The following CBR4 variants were observed in gnomAD, a reference collection of about 807,000 sequenced individuals.
CBR4 encodes carbonyl reductase 4, also known as 3-oxoacyl-[acyl-carrier-protein] reductase.
Under a neutral mutation model 21.0 loss-of-function variants are expected in CBR4, and 22 were observed. The ratio of observed to expected loss-of-function variants is 1.05; its 90% confidence interval spans 0.75 to 1.50. The LOEUF (loss-of-function observed/expected upper bound fraction) is 1.50. Among genes scored for constraint, CBR4 ranks in the 40% most tolerant of loss-of-function variants. CBR4 has a pLI of 0.00. For missense variants in CBR4, 302 were observed against 286.3 expected, an observed-to-expected ratio of 1.05 and a Z score of -0.40; for synonymous variants, 100 against 104.4, an observed-to-expected ratio of 0.96 and a Z score of 0.26.
At chr4:169,001,436 C>T (rs1329903664) in intron 4 of CBR4, 3 of 152,150 alleles carry the variant, frequency 2.0e-5, no homozygotes, top group African/African-American at 4.8e-5. Context: ...AGACCCTCTC[C>T]ACCTTAAGTT....
intron 1 of CBR4, among the ~76,000 whole-genome samples, chr4:169,008,095 C>T (rs913392402): frequency 2.0e-5 from 3 of 152,210 alleles, no homozygotes; most frequent in Non-Finnish European, 4.4e-5. Context: ...ATTCGACAGT[C>T]TTCTGGGTTT....
intron 4 of CBR4, among the ~76,000 whole-genome samples, chr4:168,998,721 G>A (rs1385608790): frequency 6.6e-6 from 1 of 152,128 alleles, no homozygotes; most frequent in Admixed American, 6.5e-5. Flanking sequence ...ATTTAAAAAA[G>A]TGAAGCAGCT....
chr4:168,988,383 ACTG>A lies in CBR4; in HGVS notation c.*1764_*1766del, dbSNP rs1164521994. The A allele has an allele frequency of 1.0e-6, 1 of 985,336 alleles. No individual in the cohort carries two copies. The highest frequency in any genetic ancestry group is 1.1e-4 in the East Asian group (1 of 8,834). The allele number at this position is 985,336 out of a possible 1,614,324, so 61.0% of individuals were successfully genotyped here. A position where few individuals can be genotyped will look rare whatever the true frequency, so the allele number is the denominator to read the frequency against. ...CTACATCTTAATGTCAGCAAAACAT[ACTG>A]CTTTCTACCCAAATCACCAATTGAA... On this transcript the variant is annotated 3_prime_UTR_variant, in exon 5 of 5. Coordinates refer to ENST00000306193, the MANE Select transcript of CBR4 (RefSeq NM_032783.5).
At chr4:168,897,362 T>A (rs1204711349) in intron 2 of CBR4, among the ~76,000 whole-genome samples, 2 of 152,234 alleles carry the variant, frequency 1.3e-5, no homozygotes, top group Admixed American at 6.5e-5. Flanking sequence ...AAACACTGAG[T>A]AACTTCTTTA....
At position 168,938,503 on chromosome 4, in the gene CBR4, C is replaced by CA. The variant is rs538209703; in HGVS notation, n.170-43739dup. On this transcript the variant is annotated intron_variant and non_coding_transcript_variant, in intron 2 of 3. Transcript: ENST00000509108. ...GGAGATAGAGACACGAAAAATCCTT[C>CA]AAAAAATCAATGAATCCAGAAGCTG... Among the ~76,000 whole-genome samples the CA allele has an allele frequency of 9.4e-4, 143 of 152,068 alleles. 5 individuals carry two copies. The South Asian group carries it at 0.028, about 30-fold the overall frequency.
rs1180241949 is a variant in CBR4 at position 168,989,875 on chromosome 4, G to C, written c.*275C>G. 4 of 1,074,078 alleles carry C rather than the reference G, an allele frequency of 3.7e-6. No homozygotes were observed. The highest frequency in any genetic ancestry group is 4.5e-6 in the Non-Finnish European group (4 of 884,556). The allele number at this position is 1,074,078 out of a possible 1,614,324, so 66.5% of individuals were successfully genotyped here. A position where few individuals can be genotyped will look rare whatever the true frequency, so the allele number is the denominator to read the frequency against. On this transcript the variant is annotated 3_prime_UTR_variant, in exon 5 of 5. Coordinates refer to ENST00000306193, the MANE Select transcript of CBR4 (RefSeq NM_032783.5). The stretch of plus-strand genomic sequence containing the variant: ...TTAAATATGTTAAAACCACTGAATT[G>C]TGTATTTTAAATGTGTGATTATATG...
intron 2 of CBR4, among the ~76,000 whole-genome samples, chr4:168,969,567 TTCAAAGCATGAGTGGGAC>T (rs1764142951): frequency 6.6e-6 from 1 of 152,110 alleles, no homozygotes; most frequent in East Asian, 1.9e-4. Context: ...GTTCAACAGA[TTCAAAGCATGAGTGGGAC>T]TCAACCTGCC....
intron 2 of CBR4, among the ~76,000 whole-genome samples, chr4:168,924,101 GA>G (rs1762116580): frequency 6.6e-6 from 1 of 152,150 alleles, no homozygotes; most frequent in Admixed American, 6.5e-5. Flanking sequence ...CTTGGTAAAA[GA>G]ATAATTTGGA....
intron 2 of CBR4, among the ~76,000 whole-genome samples, chr4:168,954,824 G>T (rs1763638875): frequency 6.6e-6 from 1 of 152,162 alleles, no homozygotes; most frequent in African/African-American, 2.4e-5. Context: ...CAACAGCTAT[G>T]CAGCAGAAAA....
At chr4:168,947,488 C>T (rs1188025448) in intron 2 of CBR4, among the ~76,000 whole-genome samples, 3 of 152,170 alleles carry the variant, frequency 2.0e-5, no homozygotes, top group South Asian at 4.1e-4. Context: ...AGCCATCACC[C>T]GAGCAGTACA....
intron 2 of CBR4, among the ~76,000 whole-genome samples, chr4:168,967,070 G>A (rs928514775): frequency 1.3e-5 from 2 of 151,610 alleles, no homozygotes; most frequent in Non-Finnish European, 2.9e-5. Context: ...TGTTTATTGC[G>A]GCACTGTTCA....
At chr4:169,002,898 C>A (rs1730579084) in intron 3 of CBR4, among the ~76,000 whole-genome samples, 1 of 151,992 alleles carries the variant, frequency 6.6e-6, no homozygotes, top group Non-Finnish European at 1.5e-5. Flanking sequence ...TAAATTTTTT[C>A]ATTATTATTA....
downstream of CBR4, among the ~76,000 whole-genome samples, chr4:168,985,077 A>G (rs1007117491): frequency 3.3e-5 from 5 of 152,244 alleles, no homozygotes; most frequent in Non-Finnish European, 7.3e-5. Flanking sequence ...GAGTTTCTGC[A>G]TAGCAAAAGA....
intron 2 of CBR4, among the ~76,000 whole-genome samples, chr4:168,958,720 C>G (rs1763759393): frequency 6.6e-6 from 1 of 152,164 alleles, no homozygotes; most frequent in Non-Finnish European, 1.5e-5. Context: ...GTATTGTCAG[C>G]CTTTTTCCTT....
At chr4:168,913,913 T>G (rs760669410) in intron 2 of CBR4, 8 of 1,558,578 alleles carry the variant, frequency 5.1e-6, no homozygotes, top group South Asian at 3.3e-5. Flanking sequence ...ATTTATTTCC[T>G]GATATTTCTA....
At chr4:168,968,342 A>G (rs28407236) in intron 2 of CBR4, among the ~76,000 whole-genome samples, 1,727 of 152,314 alleles carry the variant, frequency 0.011, 48 homozygotes, top group African/African-American at 0.039. Flanking sequence ...TCATCAGTAG[A>G]GTGGATCATG....
chr4:168,954,090 G>C (rs1763620133), intron 2 of CBR4, among the ~76,000 whole-genome samples: 1 of 152,042 alleles, frequency 6.6e-6, no homozygotes, highest in Admixed American at 6.6e-5. Context: ...TCCACCAACA[G>C]ATGAAAAAAG....
chr4:168,964,601 A>G (rs1763963455), intron 2 of CBR4, among the ~76,000 whole-genome samples: 1 of 152,218 alleles, frequency 6.6e-6, no homozygotes, highest in Non-Finnish European at 1.5e-5. Context: ...AATGAGTATC[A>G]GCTGTAATTC....
intron 2 of CBR4, among the ~76,000 whole-genome samples, chr4:168,953,590 AT>A (rs1220737031): frequency 3.4e-3 from 488 of 141,512 alleles, no homozygotes; most frequent in African/African-American, 4.6e-3. Flanking sequence ...TGCAAAGCTA[AT>A]TTTTTTTTTT....
Sources: gnomAD v4.1 joint callset for allele counts (sites outside exome capture counted in the v4.1 genomes callset) on GRCh38, gnomAD v4.1.1 for gene constraint, MANE v1.5 for transcripts, NCBI Gene and HGNC (gene_info 2026-07-23, HGNC 2026-07-21) for gene names.